LRBA: variants seen among roughly 807,000 people sequenced by gnomAD.
The protein encoded by LRBA is LPS responsive beige-like anchor protein.
Under a neutral mutation model 330.0 loss-of-function variants are expected in LRBA, and 176 were observed. The observed-to-expected ratio is 0.53, with a 90% confidence interval of 0.47 to 0.60. LRBA has a LOEUF of 0.60. Ranked by LOEUF, LRBA falls within the 20% of genes least tolerant of loss-of-function variation. The pLI, the probability that LRBA is intolerant of heterozygous loss-of-function variation, is 0.00. For synonymous variants in LRBA, 1,230 were observed against 1,193.0 expected, an observed-to-expected ratio of 1.03 and a Z score of -0.64; for missense variants, 3,259 against 3,444.8, an observed-to-expected ratio of 0.95 and a Z score of 1.35.
chr4:150,487,957 A>T (rs1268754064), intron 41 of LRBA, 123 bp from the exon 42 acceptor site: 1 of 459,044 alleles, frequency 2.2e-6, no homozygotes, highest in African/African-American at 1.9e-5. Flanking sequence ...TTCTTACTAT[A>T]TTCCTTTTAT....
At chr4:150,507,243 GA>G (rs1215489056) in intron 40 of LRBA, among the ~76,000 whole-genome samples, 1 of 151,898 alleles carries the variant, frequency 6.6e-6, no homozygotes, top group Non-Finnish European at 1.5e-5. Flanking sequence ...AGTTCATATG[GA>G]ATCAAAAAAG....
chr4:150,298,892 G>A (rs1201941990), intron 53 of LRBA, among the ~76,000 whole-genome samples: 1 of 152,036 alleles, frequency 6.6e-6, no homozygotes, highest in Admixed American at 6.6e-5. Flanking sequence ...CTGATCGAAT[G>A]TGGCTTTAAA....
At chr4:150,932,363 T>TA (rs78850552) in intron 2 of LRBA, among the ~76,000 whole-genome samples, 4,144 of 132,336 alleles carry the variant, frequency 0.031, 138 homozygotes, top group African/African-American at 0.094. Context: ...ACTAGGGTGT[T>TA]AAAAAAAAAA....
chr4:150,860,812 T>A (rs1265833752), intron 22 of LRBA, among the ~76,000 whole-genome samples: 1 of 150,474 alleles, frequency 6.6e-6, no homozygotes, highest in Non-Finnish European at 1.5e-5. Context: ...CGAGACTCCG[T>A]CTCAAAAAAA....
chr4:150,810,402 C>G (rs1324014580), intron 31 of LRBA, among the ~76,000 whole-genome samples: 1 of 146,802 alleles, frequency 6.8e-6, no homozygotes, highest in East Asian at 2.0e-4. Context: ...TTTCCTTTCC[C>G]ATTCCCTTGA....
intron 2 of LRBA, among the ~76,000 whole-genome samples, chr4:150,951,403 C>T (rs777026405): frequency 8.6e-5 from 13 of 151,954 alleles, no homozygotes; most frequent in Non-Finnish European, 1.6e-4. Flanking sequence ...TTGTGACACC[C>T]CTATACTAAC....
intron 30 of LRBA, among the ~76,000 whole-genome samples, chr4:150,821,266 A>T (rs1745394195): frequency 6.6e-6 from 1 of 152,128 alleles, no homozygotes; most frequent in South Asian, 2.1e-4. Flanking sequence ...ATATTAAAAG[A>T]GATAAAAATT....
intron 34 of LRBA, among the ~76,000 whole-genome samples, chr4:150,786,288 G>C (rs1156375879): frequency 2.0e-5 from 3 of 150,776 alleles, no homozygotes; most frequent in Non-Finnish European, 4.4e-5. Flanking sequence ...AGTCGCCTGG[G>C]CTGGAGTGCC....
intron 2 of LRBA, among the ~76,000 whole-genome samples, chr4:150,994,436 T>C (rs1020609996): frequency 3.3e-5 from 5 of 152,212 alleles, no homozygotes; most frequent in African/African-American, 1.2e-4. Context: ...CCATCCAACA[T>C]GTATTTATTA....
At chr4:150,642,763 C>T (rs1778798425) in intron 37 of LRBA, among the ~76,000 whole-genome samples, 1 of 151,708 alleles carries the variant, frequency 6.6e-6, no homozygotes, top group South Asian at 2.1e-4. Context: ...TAAAACTTCA[C>T]AGTTATAAGA....
chr4:150,808,236 T>C, intron 32 of LRBA, 84 bp downstream of exon 32: 1 of 829,396 alleles, frequency 1.2e-6, no homozygotes, highest in South Asian at 1.6e-5. Flanking sequence ...TGAAATGAAA[T>C]GAAACGAAGT....
intron 46 of LRBA, among the ~76,000 whole-genome samples, chr4:150,428,155 T>G (rs1001212868): frequency 3.3e-5 from 5 of 152,090 alleles, no homozygotes; most frequent in African/African-American, 4.8e-5. Context: ...AGTCATTTAT[T>G]TTTAAAATAA....
intron 37 of LRBA, among the ~76,000 whole-genome samples, chr4:150,659,721 GGTGGGGGGGTC>G (rs1561484625): frequency 3.6e-4 from 3 of 8,370 alleles, no homozygotes; most frequent in Non-Finnish European, 1.1e-3. Context: ...CCGGGAGGGA[GGTGGGGGGGTC>G]AGCCCCCACG....
chr4:150,889,390 C>A (rs541762614), intron 17 of LRBA, among the ~76,000 whole-genome samples: 3 of 152,222 alleles, frequency 2.0e-5, no homozygotes, highest in Admixed American at 6.5e-5. Context: ...TGCCTATAAT[C>A]CCCTCACTTT....
At position 150,828,406 on chromosome 4, in the gene LRBA, T is replaced by C; in HGVS notation, c.4945A>G (p.Asn1649Asp). The C allele has an allele frequency of 6.2e-7, 1 of 1,614,128 alleles. No individual in the cohort carries two copies. Among genetic ancestry groups the C allele is most frequent in the Non-Finnish European group, 8.5e-7 (1 of 1,179,994 alleles). Residue 1649 changes from asparagine to aspartate, a missense_variant, in exon 30 of 57, where the codon AAT becomes GAT. Transcript: ENST00000651943. ...EVLSTLSLEV[N>D]KSPETKNDRG... ...TCATTTTTGGTTTCCGGAGACTTAT[T>C]GACTTCTAAAGAAAGAGTAGATAGC...
intron 37 of LRBA, among the ~76,000 whole-genome samples, chr4:150,611,215 AATT>A (rs1367945601): frequency 2.6e-5 from 4 of 152,194 alleles, no homozygotes; most frequent in African/African-American, 9.6e-5. Flanking sequence ...TGGGAACTAA[AATT>A]TACTGACTGC....
chr4:150,434,546 T>C (rs1282302875), intron 46 of LRBA, among the ~76,000 whole-genome samples: 1 of 152,158 alleles, frequency 6.6e-6, no homozygotes, highest in Non-Finnish European at 1.5e-5. Flanking sequence ...CAGACTATAG[T>C]AATTTTGTTC....
At chr4:150,844,440 ACAAT>A (rs1749553569) in intron 27 of LRBA, among the ~76,000 whole-genome samples, 1 of 152,092 alleles carries the variant, frequency 6.6e-6, no homozygotes, top group Non-Finnish European at 1.5e-5. Context: ...CATCACAGAA[ACAAT>A]CAAAGTAAAC....
At chr4:150,350,567 CAA>C (rs34934931) in intron 47 of LRBA, among the ~76,000 whole-genome samples, 2 of 138,440 alleles carry the variant, frequency 1.4e-5, no homozygotes, top group Non-Finnish European at 1.5e-5. Context: ...AACTCCATCT[CAA>C]AAAAAAAAAA....
Sources: gnomAD v4.1 joint callset for allele counts (sites outside exome capture counted in the v4.1 genomes callset) on GRCh38, gnomAD v4.1.1 for gene constraint, MANE v1.5 for transcripts, NCBI Gene and HGNC (gene_info 2026-07-23, HGNC 2026-07-21) for gene names.